Variants in SYNE2 observed in about 807,000 individuals in gnomAD.
SYNE2 encodes the protein spectrin repeat containing nuclear envelope protein 2.
Under a neutral mutation model 856.3 loss-of-function variants are expected in SYNE2, and 431 were observed. The observed-to-expected ratio is 0.50, with a 90% CI of 0.47 to 0.55. The LOEUF is 0.55. SYNE2 is among the 20% of genes least tolerant of loss of function. The pLI, the probability that SYNE2 is intolerant of heterozygous loss-of-function variation, is 0.00. For missense variants in SYNE2, 8,129 were observed against 8,023.2 expected (o/e 1.01, Z -0.50); for synonymous variants, 2,923 against 2,872.3 (o/e 1.02, Z -0.56).
At position 63,948,737 on chromosome 14, in the gene SYNE2, TAG is replaced by T. The variant is rs1190626386; in HGVS notation, c.409-1086_409-1085del. Among the ~76,000 whole-genome samples the T allele has an allele frequency of 3.2e-3, 219 of 67,666 alleles. 6 individuals carry two copies. The highest frequency in any genetic ancestry group is 9.1e-3 in the African/African-American group (175 of 19,320). The allele number at this position is 67,666 out of a possible 152,430, so 44.4% of individuals were successfully genotyped here. Reference sequence around the variant, plus strand: ...ATATATGTGTGTATATATATGTGTATAGATATGTGTGTGTATATATATGTATA... The same window carrying T: ...ATATATGTGTGTATATATATGTGTATATATGTGTGTGTATATATATGTATA... On this transcript the variant is annotated intron_variant, in intron 6 of 115. Coordinates refer to ENST00000555002, the MANE Select transcript of SYNE2 (RefSeq NM_182914.3).
intron 32 of SYNE2, among the ~76,000 whole-genome samples, chr14:64,013,955 TCAC>T (rs1488104281): frequency 2.0e-5 from 3 of 152,094 alleles, no homozygotes; most frequent in Admixed American, 2.0e-4. Context: ...AACATTTTTG[TCAC>T]CACAAGGATT....
chr14:63,973,116 C>A (rs1167398722), intron 11 of SYNE2, among the ~76,000 whole-genome samples: 1 of 151,972 alleles, frequency 6.6e-6, no homozygotes, highest in African/African-American at 2.4e-5. Flanking sequence ...ATTAGCCAAG[C>A]ATGGTGGCAC....
chr14:63,917,259 G>A (rs2095543960), intron 2 of SYNE2, among the ~76,000 whole-genome samples: 3 of 152,124 alleles, frequency 2.0e-5, no homozygotes. Flanking sequence ...AGATTACTCA[G>A]TTATGATAAA....
intron 57 of SYNE2, among the ~76,000 whole-genome samples, chr14:64,082,072 C>G (rs1402842429): frequency 6.6e-6 from 1 of 150,510 alleles, no homozygotes; most frequent in African/African-American, 2.5e-5. Context: ...GGCGACAAAG[C>G]AAGACTCCGT....
chr14:64,220,686 G>C, intron 111 of SYNE2, 49 bp downstream of exon 111: 1 of 1,598,570 alleles, frequency 6.3e-7, no homozygotes, highest in Non-Finnish European at 8.5e-7. Flanking sequence ...CCAGGCCCAC[G>C]TGGTAGGAGC....
At chr14:64,164,199 T>C (rs2098355091) in intron 89 of SYNE2, among the ~76,000 whole-genome samples, 1 of 152,086 alleles carries the variant, frequency 6.6e-6, no homozygotes, top group African/African-American at 2.4e-5. Flanking sequence ...AAGCTCCGCC[T>C]CCTGGGTTTA....
chr14:64,133,930 G>C (rs922000242), intron 77 of SYNE2, 139 bp from the exon 78 acceptor site: 6 of 948,256 alleles, frequency 6.3e-6, no homozygotes. Flanking sequence ...GTGGGGTTAC[G>C]TCTCTCGAAC....
chr14:64,093,269 A>G (rs907188049), intron 60 of SYNE2, 80 bp from the exon 61 acceptor site: 7 of 1,547,308 alleles, frequency 4.5e-6, no homozygotes, highest in Non-Finnish European at 6.2e-6. Context: ...TAAAACTTCC[A>G]TGGGGCTAGA....
At chr14:63,851,977 G>C (rs1204234332), upstream of SYNE2, among the ~76,000 whole-genome samples, 17 of 2,728 alleles carry the variant, frequency 6.2e-3, no homozygotes, top group Non-Finnish European at 0.012. Flanking sequence ...CTACTAAGCG[G>C]GGGGGGGGGG....
Position 64,052,880 on chromosome 14 carries a change from C to A in SYNE2, c.8967C>A (p.Thr2989=). Residue 2989 remains threonine, a synonymous_variant, in exon 48 of 116, where the codon ACC becomes ACA. Coordinates refer to ENST00000555002, the MANE Select transcript of SYNE2 (RefSeq NM_182914.3). The part of the protein sequence containing the change: ...EEIYNLKDRL[T]AIKCCILQVL... ...TCTATAATCTTAAAGACAGACTCAC[C>A]GCTATTAAGTGTTGCATCTTACAGG... is the stretch of plus-strand genomic sequence containing the variant. The A allele has an allele frequency of 6.2e-7, 1 of 1,613,670 alleles. No individual in the cohort carries two copies. The highest frequency in any genetic ancestry group is 8.5e-7 in the Non-Finnish European group (1 of 1,179,934).
chr14:63,789,109 A>T (rs1255323001), intron 1 of SYNE2, among the ~76,000 whole-genome samples: 1 of 152,220 alleles, frequency 6.6e-6, no homozygotes, highest in Non-Finnish European at 1.5e-5. Flanking sequence ...CTTAGTTTTC[A>T]TTACCCCAAA....
Position 64,143,907 on chromosome 14 carries a change from A to G in SYNE2, c.15442A>G (p.Asn5148Asp). Reference sequence around the variant, plus strand: ...GTTTGCAGAGCACCTGGGGGAGATGAACCGCCAGTGGCACCGTGTACATGG... The same window carrying G: ...GTTTGCAGAGCACCTGGGGGAGATGGACCGCCAGTGGCACCGTGTACATGG... ...TEFAEHLGEMNRQWHRVHGML... is the reference protein window; with the variant it reads ...TEFAEHLGEMDRQWHRVHGML... The change falls in exon 83 of 116, where the codon AAC (asparagine) becomes GAC (aspartate). Residue 5148 changes from asparagine to aspartate, a missense_variant. Physicochemically the swap from Asn to Asp is conservative, Grantham distance 23. Around this residue, in one of 3 missense-constraint regions of SYNE2, gnomAD observed 5,410 missense variants for 5,284.8 expected, o/e 1.02. Coordinates refer to ENST00000555002, the MANE Select transcript of SYNE2 (RefSeq NM_182914.3). 1 of 1,614,170 alleles carries G rather than the reference A, an allele frequency of 6.2e-7. No homozygotes were observed. The highest frequency in any genetic ancestry group is 8.5e-7 in the Non-Finnish European group (1 of 1,180,006).
At chr14:63,810,616 A>T (rs1888578471) in intron 1 of SYNE2, among the ~76,000 whole-genome samples, 1 of 152,178 alleles carries the variant, frequency 6.6e-6, no homozygotes, top group African/African-American at 2.4e-5. Flanking sequence ...AGTTAATTAC[A>T]TGGGACAGAA....
rs142224785 is a variant in SYNE2 at position 64,024,095 on chromosome 14, C to T, written c.5638-162C>T. ...CCAAGAAGTCAGAACTATTATAAATCATCTGCCATTGGAGATAGCCACATC... is the reference window on the plus strand; with the variant it reads ...CCAAGAAGTCAGAACTATTATAAATTATCTGCCATTGGAGATAGCCACATC... On this transcript the variant is annotated intron_variant, in intron 38 of 115. Coordinates refer to ENST00000555002, the MANE Select transcript of SYNE2 (RefSeq NM_182914.3). 105 of 640,510 alleles carry T rather than the reference C, an allele frequency of 1.6e-4. No homozygotes were observed. In the East Asian group the frequency reaches 2.8e-3, roughly 17 times the overall value. The allele number at this position is 640,510 out of a possible 1,614,324, so 39.7% of individuals were successfully genotyped here.
intron 99 of SYNE2, among the ~76,000 whole-genome samples, chr14:64,201,633 C>A (rs1418924491): frequency 6.6e-6 from 1 of 152,156 alleles, no homozygotes; most frequent in Non-Finnish European, 1.5e-5. Flanking sequence ...AACTTACTTA[C>A]ACTTTGGCTA....
At chr14:64,002,503 G>T (rs1442371719) in intron 29 of SYNE2, among the ~76,000 whole-genome samples, 4 of 152,136 alleles carry the variant, frequency 2.6e-5, no homozygotes, top group Admixed American at 1.3e-4. Flanking sequence ...TGAAGCAATA[G>T]ATTTATGTGC....
At chr14:63,997,920 T>G (rs551320276) in intron 25 of SYNE2, among the ~76,000 whole-genome samples, 1 of 152,328 alleles carries the variant, frequency 6.6e-6, no homozygotes, top group South Asian at 2.1e-4. Context: ...TTTAGAGGTC[T>G]GCTCCTGCAT....
At chr14:63,788,559 C>T (rs1260026349) in intron 1 of SYNE2, among the ~76,000 whole-genome samples, 1 of 152,160 alleles carries the variant, frequency 6.6e-6, no homozygotes, top group Admixed American at 6.5e-5. Flanking sequence ...GGGCTCCTGC[C>T]TGCTCCATGG....
chr14:64,225,156 T>G, intron 115 of SYNE2, 111 bp downstream of exon 115: 1 of 1,547,650 alleles, frequency 6.5e-7, no homozygotes, highest in East Asian at 2.3e-5. Context: ...TTTTCTTTTG[T>G]CTGGAAAGGG....
Sources: allele counts gnomAD v4.1 joint callset (sites outside exome capture counted in the v4.1 genomes callset), GRCh38; gene constraint gnomAD v4.1.1; regional missense constraint gnomAD v4.1.1; transcripts MANE v1.5; gene names NCBI Gene and HGNC (gene_info 2026-07-23, HGNC 2026-07-21).